CARS1: variants seen among roughly 807,000 people sequenced by gnomAD.
The protein encoded by CARS1 is cysteine--tRNA ligase, cytoplasmic.
In CARS1, 48 loss-of-function variants were observed where a neutral mutation model predicts 106.2. That is an observed-to-expected ratio of 0.45 (90% confidence interval 0.36 to 0.57). CARS1 has a LOEUF of 0.57. CARS1 is among the 20% of genes least tolerant of loss of function. CARS1 has a pLI of 0.00. For missense variants in CARS1, 968 were observed against 1,057.2 expected, an observed-to-expected ratio of 0.92 and a Z score of 1.17; for synonymous variants, 409 against 403.4, an observed-to-expected ratio of 1.01 and a Z score of -0.17.
Position 3,029,544 on chromosome 11 carries a change from T to C in CARS1, c.802-101A>G, listed in dbSNP as rs528660752. 3.7e-6 allele frequency: 5 copies of C among 1,347,230 alleles called. No homozygotes were observed. In the African/African-American group the frequency reaches 7.2e-5, roughly 19 times the overall value. 83.5% of individuals were successfully genotyped at this position (1,347,230 alleles called of 1,614,324 possible). On this transcript the variant is annotated intron_variant, in intron 7 of 22. Coordinates refer to ENST00000380525, the MANE Select transcript of CARS1 (RefSeq NM_001014437.3). The surrounding 1 kb of genome is among the most constrained non-coding windows in gnomAD (Gnocchi z 5.9). ...CCCATCAGTGCCCTGAATTCAAAGG[T>C]GCTGACCTTGACCTGTGAAGAGCCA...
At position 3,017,666 on chromosome 11, in the gene CARS1, A is replaced by C; in HGVS notation, c.1727+191T>G. On this transcript the variant is annotated intron_variant, in intron 15 of 22. Coordinates refer to ENST00000380525, the MANE Select transcript of CARS1 (RefSeq NM_001014437.3). This position sits in a 1 kb window ranked among gnomAD's most constrained non-coding sequence, Gnocchi z 4.9. The stretch of plus-strand genomic sequence containing the variant: ...CTCAAAAAGAAAAAACAAAAAAGAA[A>C]TTCTCCATGCACTTCAACACCCAGA... The C allele has an allele frequency of 1.7e-6, 1 of 573,320 alleles. No individual in the cohort carries two copies. Among genetic ancestry groups the C allele is most frequent in the African/African-American group, 1.9e-5 (1 of 53,292 alleles). 35.5% of individuals were successfully genotyped at this position (573,320 alleles called of 1,614,324 possible).
rs761697857 is a variant in CARS1, at chr11:3,040,887, T to C, written c.455+9A>G. The stretch of plus-strand genomic sequence containing the variant: ...CAGAAGCTGCAGGGACACCCCGCGG[T>C]GGACCTACCTGGCGTGCCCCATGTG... On this transcript the variant is annotated intron_variant, in intron 4 of 22. Transcript: ENST00000380525. This position sits in a 1 kb window ranked among gnomAD's most constrained non-coding sequence, Gnocchi z 5.8. 4 of 1,613,030 alleles carry C rather than the reference T, an allele frequency of 2.5e-6. No individual in the cohort carries two copies. Among genetic ancestry groups the C allele is most frequent in the Non-Finnish European group, 2.5e-6 (3 of 1,179,500 alleles).
intron 12 of CARS1, among the ~76,000 whole-genome samples, 165 bp from the exon 13 acceptor site, chr11:3,018,914 A>G (rs750560670): frequency 6.6e-6 from 1 of 152,222 alleles, no homozygotes; most frequent in Non-Finnish European, 1.5e-5. Flanking sequence ...ATAAGCCAGC[A>G]GGTAACACAA....
rs1197890537 is a variant in CARS1, at chr11:3,017,686, C to T, written c.1727+171G>A. ...AAGAAATTCTCCATGCACTTCAACA[C>T]CCAGAGCAGCTCCCATTAGCAGAGC... On this transcript the variant is annotated intron_variant, in intron 15 of 22. Coordinates refer to ENST00000380525, the MANE Select transcript of CARS1 (RefSeq NM_001014437.3). The surrounding 1 kb of genome is among the most constrained non-coding windows in gnomAD (Gnocchi z 4.9). The T allele has an allele frequency of 6.7e-6, 4 of 599,394 alleles. No homozygotes were observed. The Admixed American group carries it at 1.3e-4, about 19-fold the overall frequency. The allele number at this position is 599,394 out of a possible 1,614,324, so 37.1% of individuals were successfully genotyped here. A position where few individuals can be genotyped will look rare whatever the true frequency, so the allele number is the denominator to read the frequency against.
chr11:3,022,481 C>T lies in CARS1; in HGVS notation c.1154-2149G>A, dbSNP rs975287810. ...CTCCCATCTCCATTTGTCCACCATA[C>T]AATTACTACGCTTCTTCTACGGCAA... On this transcript the variant is annotated intron_variant, in intron 10 of 22. Coordinates refer to ENST00000380525, the MANE Select transcript of CARS1 (RefSeq NM_001014437.3). This position sits in a 1 kb window ranked among gnomAD's most constrained non-coding sequence, Gnocchi z 4.9. 2.0e-5 allele frequency among the ~76,000 whole-genome samples: 3 copies of T among 152,184 alleles called. No individual in the cohort carries two copies. Among genetic ancestry groups the T allele is most frequent in the African/African-American group, 7.2e-5 (3 of 41,446 alleles).
chr11:3,046,813 T>C lies in CARS1; in HGVS notation c.274+940A>G, dbSNP rs1000393363. Among the ~76,000 whole-genome samples the C allele has an allele frequency of 2.0e-5, 3 of 152,120 alleles. No individual in the cohort carries two copies. The highest frequency in any genetic ancestry group is 7.2e-5 in the African/African-American group (3 of 41,424). ...AAGGCATACTTCAGTGATGATGGCA[T>C]GGAGCCCCCTCAGATTTGCCACAGA... On this transcript the variant is annotated intron_variant, in intron 2 of 22. Coordinates refer to ENST00000380525, the MANE Select transcript of CARS1 (RefSeq NM_001014437.3). The surrounding 1 kb of genome is among the most constrained non-coding windows in gnomAD (Gnocchi z 5.8).
At position 3,046,321 on chromosome 11, in the gene CARS1, C is replaced by T. The variant is rs931930453; in HGVS notation, c.274+1432G>A. Among the ~76,000 whole-genome samples, 2 of 152,212 alleles carry T rather than the reference C, an allele frequency of 1.3e-5. No individual in the cohort carries two copies. Among genetic ancestry groups the T allele is most frequent in the Admixed American group, 6.5e-5 (1 of 15,278 alleles). On this transcript the variant is annotated intron_variant, in intron 2 of 22. Coordinates refer to ENST00000380525, the MANE Select transcript of CARS1 (RefSeq NM_001014437.3). This position sits in a 1 kb window ranked among gnomAD's most constrained non-coding sequence, Gnocchi z 5.8. The stretch of plus-strand genomic sequence containing the variant: ...GGACGTACCAGGCCCGCTTCACCCT[C>T]CCTAATCCTGCCCCCCTCTGGCTGT...
intron 7 of CARS1, among the ~76,000 whole-genome samples, chr11:3,033,636 C>G (rs1049204822): frequency 2.0e-5 from 3 of 152,014 alleles, no homozygotes; most frequent in African/African-American, 7.2e-5. Flanking sequence ...ATAAGCTAAA[C>G]TGCTAAATGA....
At chr11:3,005,479 G>A (rs373519194) in intron 19 of CARS1, 46 bp from the exon 20 acceptor site, 22 of 1,520,208 alleles carry the variant, frequency 1.4e-5, no homozygotes, top group African/African-American at 1.2e-4. Flanking sequence ...TCTGTGGGCC[G>A]TCCCCACTGC....
chr11:3,046,143 C>T lies in CARS1; in HGVS notation c.274+1610G>A, dbSNP rs889630300. The stretch of plus-strand genomic sequence containing the variant: ...GCTATCCATGGTCCATTCTGTTACA[C>T]AGCAACGTGGCTCTGCTTCCTCTCT... On this transcript the variant is annotated intron_variant, in intron 2 of 22. Coordinates refer to ENST00000380525, the MANE Select transcript of CARS1 (RefSeq NM_001014437.3). This position sits in a 1 kb window ranked among gnomAD's most constrained non-coding sequence, Gnocchi z 5.8. Among the ~76,000 whole-genome samples, 2 of 152,224 alleles carry T rather than the reference C, an allele frequency of 1.3e-5. No individual in the cohort carries two copies. The highest frequency in any genetic ancestry group is 2.9e-5 in the Non-Finnish European group (2 of 68,032).
Position 3,003,166 on chromosome 11 carries a change from G to A in CARS1, c.2218-566C>T, listed in dbSNP as rs941673453. Among the ~76,000 whole-genome samples, 2 of 151,846 alleles carry A rather than the reference G, an allele frequency of 1.3e-5. No individual in the cohort carries two copies. Among genetic ancestry groups the A allele is most frequent in the Non-Finnish European group, 2.9e-5 (2 of 67,964 alleles). ...CAGGGAGAGCTTATTAGTGGAGCCA[G>A]CAGGCTGGGTGCCGGTGAGGGAAGC... On this transcript the variant is annotated intron_variant, in intron 20 of 22. Coordinates refer to ENST00000380525, the MANE Select transcript of CARS1 (RefSeq NM_001014437.3). The surrounding 1 kb of genome is among the most constrained non-coding windows in gnomAD (Gnocchi z 4.8).
chr11:3,037,951 T>C lies in CARS1; in HGVS notation c.801+99A>G. 1 of 1,245,058 alleles carries C rather than the reference T, an allele frequency of 8.0e-7. No homozygotes were observed. The highest frequency in any genetic ancestry group is 1.1e-6 in the Non-Finnish European group (1 of 889,230). 77.1% of individuals were successfully genotyped at this position (1,245,058 alleles called of 1,614,324 possible). On this transcript the variant is annotated intron_variant, in intron 7 of 22. Transcript: ENST00000380525. The surrounding 1 kb of genome is among the most constrained non-coding windows in gnomAD (Gnocchi z 5.9). ...ACTGGAGACACAGAGTGTCTTCCAC[T>C]AAGACAATCTGTGGAATCAATCCGT... is the stretch of plus-strand genomic sequence containing the variant.
intron 10 of CARS1, among the ~76,000 whole-genome samples, chr11:3,025,505 G>A (rs1189481685): frequency 6.6e-6 from 1 of 152,204 alleles, no homozygotes; most frequent in Non-Finnish European, 1.5e-5. Flanking sequence ...TGGGATTATA[G>A]GCGTGAGCCA....
At position 3,053,745 on chromosome 11, in the gene CARS1, T is replaced by C. The variant is rs1038673721; in HGVS notation, c.25+3598A>G. 1.3e-5 allele frequency among the ~76,000 whole-genome samples: 2 copies of C among 152,144 alleles called. No homozygotes were observed. The highest frequency in any genetic ancestry group is 2.4e-5 in the African/African-American group (1 of 41,436). On this transcript the variant is annotated intron_variant, in intron 1 of 22. Transcript: ENST00000380525. This position sits in a 1 kb window ranked among gnomAD's most constrained non-coding sequence, Gnocchi z 6.6. Reference sequence around the variant, plus strand: ...AGTGAGGTTTAAACCAGCTTCCCCATGGGTGGAAAGCTTGCTAAAATGCAG... The same window carrying C: ...AGTGAGGTTTAAACCAGCTTCCCCACGGGTGGAAAGCTTGCTAAAATGCAG...
intron 21 of CARS1, 89 bp downstream of exon 21, chr11:3,002,452 G>A: frequency 1.3e-6 from 2 of 1,578,290 alleles, no homozygotes; most frequent in South Asian, 2.4e-5. Context: ...GCCTGGCTAA[G>A]GTCCACGGAG....
chr11:3,032,578 G>A (rs1344160513), intron 7 of CARS1, among the ~76,000 whole-genome samples: 6 of 152,108 alleles, frequency 3.9e-5, no homozygotes, highest in Admixed American at 3.3e-4. Context: ...GGTGGGCTGG[G>A]TGAGGAAGAA....
chr11:3,001,274 T>C (rs556531295), intron 22 of CARS1, 26 bp from the exon 23 acceptor site: 21 of 1,611,348 alleles, frequency 1.3e-5, no homozygotes, highest in African/African-American at 6.7e-5. Flanking sequence ...ACAGCGGCTA[T>C]TGGTCTCCTC....
chr11:3,002,659 G>A lies in CARS1; in HGVS notation c.2218-59C>T, dbSNP rs571638878. On this transcript the variant is annotated intron_variant, in intron 20 of 22. Coordinates refer to ENST00000380525, the MANE Select transcript of CARS1 (RefSeq NM_001014437.3). ...GCTGCCTCAGGCTGCTGGGTCTCTC[G>A]GAGTGAGAGGTCTAGCCAAACAAGC... 3.2e-5 allele frequency: 52 copies of A among 1,607,870 alleles called. No individual in the cohort carries two copies. The East Asian group carries it at 3.8e-4, about 12-fold the overall frequency.
In CARS1 at chr11:3,053,300, G is replaced by A. The variant is rs139688305; in HGVS notation, c.25+4043C>T. 8.6e-5 allele frequency among the ~76,000 whole-genome samples: 13 copies of A among 151,946 alleles called. No individual in the cohort carries two copies. The highest frequency in any genetic ancestry group is 2.9e-4 in the African/African-American group (12 of 41,442). ...GGCTGGAGTGCAGTGGCATGATCTC[G>A]GCTCACTGCAAACTCTGCCTCCCGG... On this transcript the variant is annotated intron_variant, in intron 1 of 22. Coordinates refer to ENST00000380525, the MANE Select transcript of CARS1 (RefSeq NM_001014437.3). This position sits in a 1 kb window ranked among gnomAD's most constrained non-coding sequence, Gnocchi z 6.6.
Sources: gnomAD v4.1 joint callset for allele counts (sites outside exome capture counted in the v4.1 genomes callset) on GRCh38, gnomAD v4.1.1 for gene constraint, Gnocchi (gnomAD v3.1) non-coding constraint, MANE v1.5 for transcripts, NCBI Gene and HGNC (gene_info 2026-07-23, HGNC 2026-07-21) for gene names.